DPP10: variants seen among roughly 807,000 people sequenced by gnomAD.
DPP10 encodes the protein inactive dipeptidyl peptidase 10.
In DPP10, 33 loss-of-function variants were observed where a neutral mutation model predicts 120.9. The observed-to-expected ratio is 0.27, with a 90% CI of 0.21 to 0.37. DPP10 has a LOEUF of 0.37. Ranked by LOEUF, DPP10 falls within the 10% of genes least tolerant of loss-of-function variation. The pLI is 1.00. For missense variants in DPP10, 816 were observed against 942.8 expected (o/e 0.87, Z 1.76); for synonymous variants, 337 against 326.1 (o/e 1.03, Z -0.36).
intron 1 of DPP10, among the ~76,000 whole-genome samples, chr2:115,030,274 T>C (rs1703748781): frequency 6.6e-6 from 1 of 152,154 alleles, no homozygotes; most frequent in South Asian, 2.1e-4. Context: ...TTACTTTGGT[T>C]TTCATTTTGC....
chr2:115,017,852 G>A (rs1404642742), intron 1 of DPP10, among the ~76,000 whole-genome samples: 4 of 151,704 alleles, frequency 2.6e-5, no homozygotes, highest in Admixed American at 1.3e-4. Context: ...AGGGCCTGTT[G>A]TGGGGTGGGG....
At chr2:115,290,039 A>C (rs1233651210) in intron 1 of DPP10, among the ~76,000 whole-genome samples, 1 of 152,152 alleles carries the variant, frequency 6.6e-6, no homozygotes, top group Non-Finnish European at 1.5e-5. Flanking sequence ...CAAAAGAAAT[A>C]ATCAAAAGAG....
At chr2:114,705,159 A>G (rs1307978121) in intron 1 of DPP10, among the ~76,000 whole-genome samples, 3 of 152,190 alleles carry the variant, frequency 2.0e-5, no homozygotes, top group Non-Finnish European at 2.9e-5. Context: ...AATGGAAGAA[A>G]ATTGAAAGCC....
chr2:115,551,865 A>G (rs2149006513), intron 5 of DPP10, among the ~76,000 whole-genome samples: 1 of 152,286 alleles, frequency 6.6e-6, no homozygotes, highest in East Asian at 1.9e-4. Context: ...GAAAACTCAA[A>G]CACAGTTGGT....
At position 115,844,251 on chromosome 2, in the gene DPP10, T is replaced by C. The variant is rs943810100; in HGVS notation, c.*1906T>C. On this transcript the variant is annotated 3_prime_UTR_variant, in exon 26 of 26. Transcript: ENST00000410059. ...GAAGCTTTTTAACCAATATTTTAAA[T>C]TTGAACCACTAGAGTTTTTTATGAT... is the stretch of plus-strand genomic sequence containing the variant. 1 of 152,594 alleles carries C rather than the reference T, an allele frequency of 6.6e-6. No individual in the cohort carries two copies. Among genetic ancestry groups the C allele is most frequent in the Non-Finnish European group, 1.5e-5 (1 of 68,014 alleles). 9.5% of individuals were successfully genotyped at this position (152,594 alleles called of 1,614,324 possible). A position where few individuals can be genotyped will look rare whatever the true frequency, so the allele number is the denominator to read the frequency against.
At chr2:115,328,742 C>G (rs2062515651) in intron 2 of DPP10, among the ~76,000 whole-genome samples, 1 of 152,084 alleles carries the variant, frequency 6.6e-6, no homozygotes, top group Non-Finnish European at 1.5e-5. Context: ...GTCCTTCCCT[C>G]ATCTCTTCTC....
At chr2:115,340,084 C>G (rs1158031382) in intron 2 of DPP10, among the ~76,000 whole-genome samples, 1 of 152,004 alleles carries the variant, frequency 6.6e-6, no homozygotes, top group Non-Finnish European at 1.5e-5. Flanking sequence ...TTTCTTGCAA[C>G]TTCATATGAA....
chr2:114,588,765 A>C (rs927551627), intron 1 of DPP10, among the ~76,000 whole-genome samples: 1 of 152,156 alleles, frequency 6.6e-6, no homozygotes, highest in Non-Finnish European at 1.5e-5. Context: ...TTAGAAAAAC[A>C]GTTGGTGCAG....
intron 1 of DPP10, among the ~76,000 whole-genome samples, chr2:114,831,300 A>G (rs1047835549): frequency 3.3e-5 from 5 of 152,088 alleles, no homozygotes; most frequent in Admixed American, 6.6e-5. Context: ...TTTCACCATA[A>G]GGGATATTTG....
At chr2:115,485,914 T>C (rs559291956) in intron 3 of DPP10, among the ~76,000 whole-genome samples, 221 of 152,266 alleles carry the variant, frequency 1.5e-3, no homozygotes, top group African/African-American at 5.1e-3. Flanking sequence ...AGTGTTAAGC[T>C]TTTGAAATAG....
In DPP10 at chr2:115,230,592, CTTT is replaced by C. The variant is rs1321206896; in HGVS notation, c.61-78644_61-78642del. ...GATTGTAGACTTTCTAATTGAAGAG[CTTT>C]TTATTTATTAAATTATTTGTAAACA... On this transcript the variant is annotated intron_variant, in intron 1 of 25. Coordinates refer to ENST00000410059, the MANE Select transcript of DPP10 (RefSeq NM_020868.6). Among the ~76,000 whole-genome samples the C allele has an allele frequency of 2.6e-5, 4 of 151,830 alleles. No individual in the cohort carries two copies. The East Asian group carries it at 7.7e-4, about 29-fold the overall frequency.
chr2:114,488,571 C>T (rs1332035849), intron 1 of DPP10, among the ~76,000 whole-genome samples: 1 of 152,188 alleles, frequency 6.6e-6, no homozygotes, highest in African/African-American at 2.4e-5. Context: ...AATTATAGTA[C>T]TTAATATCCT....
rs72945851 is a variant in DPP10, at chr2:114,990,993, A to C, written c.61-318246A>C. Among the ~76,000 whole-genome samples the C allele has an allele frequency of 5.8e-3, 888 of 152,316 alleles. 10 individuals carry two copies. Among genetic ancestry groups the C allele is most frequent in the Middle Eastern group, 0.034 (10 of 294 alleles). ...ATGACACTTCTGTTGCATGTGCTAC[A>C]AAATAAGGTTTTTGTACATTGAAGA... On this transcript the variant is annotated intron_variant, in intron 1 of 25. Coordinates refer to ENST00000410059, the MANE Select transcript of DPP10 (RefSeq NM_020868.6).
intron 1 of DPP10, among the ~76,000 whole-genome samples, chr2:115,132,222 G>T (rs2050398858): frequency 6.6e-6 from 1 of 152,174 alleles, no homozygotes; most frequent in Admixed American, 6.5e-5. Context: ...TGGGGGTGTT[G>T]TGATGACCAA....
chr2:114,998,569 T>C (rs1701242826), intron 1 of DPP10, among the ~76,000 whole-genome samples: 1 of 152,212 alleles, frequency 6.6e-6, no homozygotes, highest in African/African-American at 2.4e-5. Flanking sequence ...GTCTTCTCTC[T>C]GTCCTTGTGT....
At chr2:115,095,279 G>T (rs1709618726) in intron 1 of DPP10, among the ~76,000 whole-genome samples, 1 of 152,130 alleles carries the variant, frequency 6.6e-6, no homozygotes, top group Admixed American at 6.5e-5. Context: ...ATCTTTGGAA[G>T]AAAAAAGTTA....
intron 1 of DPP10, among the ~76,000 whole-genome samples, chr2:114,711,176 C>T (rs1701004624): frequency 6.6e-6 from 1 of 152,238 alleles, no homozygotes; most frequent in South Asian, 2.1e-4. Flanking sequence ...CCCTTTCTTC[C>T]AGGCATGGTA....
chr2:114,957,586 C>T (rs1422600192), intron 1 of DPP10, among the ~76,000 whole-genome samples: 3 of 152,092 alleles, frequency 2.0e-5, no homozygotes, highest in Non-Finnish European at 4.4e-5. Context: ...AGCCATTTCA[C>T]CTCTGGATAT....
At chr2:115,825,583 A>G (rs769575052) in intron 21 of DPP10, among the ~76,000 whole-genome samples, 10 of 152,098 alleles carry the variant, frequency 6.6e-5, no homozygotes, top group Non-Finnish European at 1.3e-4. Flanking sequence ...GGATATCCAA[A>G]CTTTATCCTT....
Sources: allele counts gnomAD v4.1 joint callset (sites outside exome capture counted in the v4.1 genomes callset), GRCh38; gene constraint gnomAD v4.1.1; transcripts MANE v1.5; gene names NCBI Gene and HGNC (gene_info 2026-07-23, HGNC 2026-07-21).